The following OOSP1 variants were observed in gnomAD, a reference collection of about 807,000 sequenced individuals.
OOSP1 encodes the protein oocyte secreted protein 1, also known as putative oocyte-secreted protein 1 homolog.
Under a neutral mutation model 5.7 loss-of-function variants are expected in OOSP1, and 11 were observed. The observed-to-expected ratio is 1.94, with a 90% CI of 1.22 to 3.20. OOSP1 has a LOEUF of 3.20. OOSP1 is among the 30% of genes most tolerant of loss of function. The pLI, the probability that OOSP1 is intolerant of heterozygous loss-of-function variation, is 0.00. For missense variants in OOSP1, 83 were observed against 54.1 expected (o/e 1.53, Z -1.67); for synonymous variants, 44 against 20.0 (o/e 2.20, Z -3.20).
chr11:59,945,056 G>T, intron 2 of OOSP1, 113 bp from the exon 3 acceptor site: 1 of 645,898 alleles, frequency 1.5e-6, no homozygotes, highest in East Asian at 2.7e-5. Context: ...TTGAGTGAGA[G>T]TGTGACCATT....
intron 3 of OOSP1, among the ~76,000 whole-genome samples, chr11:59,946,695 A>G (rs1000218963): frequency 6.6e-6 from 1 of 152,172 alleles, no homozygotes; most frequent in African/African-American, 2.4e-5. Context: ...TCCTGAAGGC[A>G]ATAGAGAAAG....
chr11:59,943,356 A>T (rs1249336880), intron 2 of OOSP1, among the ~76,000 whole-genome samples: 1 of 148,258 alleles, frequency 6.7e-6, no homozygotes, highest in Admixed American at 6.7e-5. Flanking sequence ...CTTAAAGTAT[A>T]AAAAAAAAAC....
intron 4 of OOSP1, among the ~76,000 whole-genome samples, chr11:59,954,470 C>G (rs1853972117): frequency 6.6e-6 from 1 of 151,966 alleles, no homozygotes; most frequent in African/African-American, 2.4e-5. Flanking sequence ...TTAAATTGAA[C>G]ACAGAACTTG....
intron 4 of OOSP1, among the ~76,000 whole-genome samples, chr11:59,953,248 G>A (rs1331659573): frequency 6.6e-6 from 1 of 152,050 alleles, no homozygotes; most frequent in Non-Finnish European, 1.5e-5. Context: ...AAGGACTTTT[G>A]CTAGAGGAAT....
At chr11:59,948,775 C>T (rs1488009543) in intron 4 of OOSP1, 1 of 398,018 alleles carries the variant, frequency 2.5e-6, no homozygotes, top group Non-Finnish European at 4.4e-6. Flanking sequence ...CTGTTCTGTC[C>T]CCTTTGATAT....
intron 3 of OOSP1, 48 bp from the exon 4 acceptor site, chr11:59,947,685 G>A (rs1196804350): frequency 7.5e-6 from 3 of 397,668 alleles, no homozygotes; most frequent in Non-Finnish European, 1.3e-5. Flanking sequence ...TAGGATCTGA[G>A]TAGATCTTAA....
At chr11:59,944,213 G>A (rs916369469) in intron 2 of OOSP1, among the ~76,000 whole-genome samples, 26 of 152,088 alleles carry the variant, frequency 1.7e-4, no homozygotes, top group Non-Finnish European at 3.5e-4. Context: ...CCTGGAGGGG[G>A]TGAGAGCTGA....
At chr11:59,948,316 C>T (rs1178230210) in intron 4 of OOSP1, among the ~76,000 whole-genome samples, 1 of 152,056 alleles carries the variant, frequency 6.6e-6, no homozygotes, top group East Asian at 1.9e-4. Context: ...TAAGGTAGTA[C>T]AGTTTTTCAT....
At position 59,951,243 on chromosome 11, in the gene OOSP1, T is replaced by TA. The variant is rs36043574; in HGVS notation, c.486+3393dup. Among the ~76,000 whole-genome samples the TA allele has an allele frequency of 6.6e-3, 942 of 142,568 alleles. 2 individuals are homozygous for TA. Among genetic ancestry groups the TA allele is most frequent in the African/African-American group, 0.013 (507 of 39,076 alleles). 93.5% of individuals were successfully genotyped at this position (142,568 alleles called of 152,430 possible). On this transcript the variant is annotated intron_variant, in intron 4 of 4. Coordinates refer to ENST00000646685, the Ensembl canonical transcript of OOSP1. ...CCTCCACAATAACAGATCCTAAAATTAAAAAAAAAAAACATGGCATGAAAT... is the reference window on the plus strand; with the variant it reads ...CCTCCACAATAACAGATCCTAAAATTAAAAAAAAAAAAACATGGCATGAAAT...
At chr11:59,949,015 T>A (rs879658443) in intron 4 of OOSP1, 2 of 371,118 alleles carry the variant, frequency 5.4e-6, no homozygotes, top group Admixed American at 4.5e-5. Flanking sequence ...ATGAATAAAG[T>A]TTATACTACT....
At chr11:59,945,261 C>G (rs1292069146) in exon 3 of OOSP1, 1 of 702,946 alleles carries the variant, frequency 1.4e-6, no homozygotes, top group South Asian at 1.5e-5. Flanking sequence ...CGTGTGTCGT[C>G]CACAAGTGAG....
At chr11:59,956,079 G>A (rs1424194653) in intron 4 of OOSP1, among the ~76,000 whole-genome samples, 1 of 152,156 alleles carries the variant, frequency 6.6e-6, no homozygotes. Flanking sequence ...GTGACCAGCG[G>A]ATATAGAAAT....
At chr11:59,955,497 G>T (rs907141794) in intron 4 of OOSP1, among the ~76,000 whole-genome samples, 6 of 152,064 alleles carry the variant, frequency 3.9e-5, no homozygotes, top group South Asian at 2.1e-4. Flanking sequence ...TGATTTAATT[G>T]CTTTTTAAAT....
chr11:59,946,762 A>G (rs1031257630), intron 3 of OOSP1, among the ~76,000 whole-genome samples: 1 of 151,910 alleles, frequency 6.6e-6, no homozygotes, highest in African/African-American at 2.4e-5. Flanking sequence ...AGCATGTACT[A>G]TGCAGGGCTG....
At chr11:59,945,945 A>T (rs1045765107) in intron 3 of OOSP1, among the ~76,000 whole-genome samples, 20 of 152,058 alleles carry the variant, frequency 1.3e-4, no homozygotes, top group Non-Finnish European at 2.8e-4. Context: ...TGGCTGGAGC[A>T]GGAGGAAGTG....
At chr11:59,946,759 A>T (rs1853887523) in intron 3 of OOSP1, among the ~76,000 whole-genome samples, 1 of 152,030 alleles carries the variant, frequency 6.6e-6, no homozygotes, top group Non-Finnish European at 1.5e-5. Context: ...ATCAGCATGT[A>T]CTATGCAGGG....
intron 3 of OOSP1, among the ~76,000 whole-genome samples, chr11:59,946,961 ATCT>A (rs1565232411): frequency 6.9e-6 from 1 of 144,408 alleles, no homozygotes; most frequent in East Asian, 2.0e-4. Context: ...CTATCTATCT[ATCT>A]ATCTGTCTAT....
exon 1 of OOSP1, chr11:59,938,506 T>A (rs893596208): frequency 1.6e-6 from 1 of 624,006 alleles, no homozygotes; most frequent in Non-Finnish European, 2.9e-6. Flanking sequence ...TTCCTTGATA[T>A]GGACCTGCGC....
chr11:59,955,694 C>T (rs546020215), intron 4 of OOSP1, among the ~76,000 whole-genome samples: 1 of 152,004 alleles, frequency 6.6e-6, no homozygotes, highest in Non-Finnish European at 1.5e-5. Flanking sequence ...CTATGGCTCA[C>T]TGCAGCCTCA....
Sources: allele counts gnomAD v4.1 joint callset (sites outside exome capture counted in the v4.1 genomes callset), GRCh38; gene constraint gnomAD v4.1.1; transcripts MANE v1.5; gene names NCBI Gene and HGNC (gene_info 2026-07-23, HGNC 2026-07-21).